The following GRIP2 variants were observed in gnomAD, a reference collection of about 807,000 sequenced individuals.
GRIP2 encodes the protein glutamate receptor interacting protein 2, also known as glutamate receptor-interacting protein 2.
Under a neutral mutation model 108.3 loss-of-function variants are expected in GRIP2, and 58 were observed. The ratio of observed to expected loss-of-function variants is 0.54; its 90% CI spans 0.43 to 0.67. GRIP2 has a LOEUF of 0.67. GRIP2 is among the 30% of genes least tolerant of loss of function. The pLI, the probability that GRIP2 is intolerant of heterozygous loss-of-function variation, is 0.00. For synonymous variants in GRIP2, 586 were observed against 598.2 expected, an observed-to-expected ratio of 0.98 and a Z score of 0.30; for missense variants, 1,278 against 1,430.6, an observed-to-expected ratio of 0.89 and a Z score of 1.72.
At chr3:14,496,026 T>C (rs1166244402) in intron 22 of GRIP2, among the ~76,000 whole-genome samples, 1 of 152,092 alleles carries the variant, frequency 6.6e-6, no homozygotes, top group Non-Finnish European at 1.5e-5. Flanking sequence ...ATGCCTGTGG[T>C]CCCAGCTTCT....
At chr3:14,560,303 C>T (rs1289869508), upstream of GRIP2, among the ~76,000 whole-genome samples, 1 of 152,152 alleles carries the variant, frequency 6.6e-6, no homozygotes, top group African/African-American at 2.4e-5. Context: ...TGTATGTATA[C>T]AGTATACAGT....
At chr3:14,559,039 G>A (rs1271723040), upstream of GRIP2, among the ~76,000 whole-genome samples, 2 of 152,158 alleles carry the variant, frequency 1.3e-5, no homozygotes, top group Non-Finnish European at 2.9e-5. Context: ...TCTCAGGAGT[G>A]TTTAATGGTG....
intron 2 of GRIP2, 36 bp downstream of exon 2, chr3:14,525,815 G>A (rs760640599): frequency 3.6e-5 from 55 of 1,545,272 alleles, no homozygotes; most frequent in Non-Finnish European, 4.7e-5. Context: ...TGTGCCTCCA[G>A]GGCAGAAAAA....
the GRIP2 span, among the ~76,000 whole-genome samples, chr3:14,562,914 G>A: frequency 1.0e-3 from 152 of 152,312 alleles, no homozygotes; most frequent in African/African-American, 3.5e-3. Flanking sequence ...TATCAGTGGG[G>A]AGAAAGTACA....
chr3:14,573,175 A>C, the GRIP2 span: 2 of 1,428,142 alleles, frequency 1.4e-6, no homozygotes, highest in Non-Finnish European at 9.9e-7. Context: ...AGCTTGAAGA[A>C]GGCATGCCAG....
At chr3:14,516,967 C>A in intron 11 of GRIP2, 97 bp downstream of exon 11, 1 of 1,249,662 alleles carries the variant, frequency 8.0e-7, no homozygotes, top group Non-Finnish European at 1.0e-6. Flanking sequence ...GGAGCTCTGC[C>A]CAAAATACCT....
At chr3:14,574,007 G>C in the GRIP2 span, 1 of 1,287,754 alleles carries the variant, frequency 7.8e-7, no homozygotes, top group Admixed American at 1.8e-5. Context: ...TGGCACCCAG[G>C]TGGATGAGGG....
the GRIP2 span, among the ~76,000 whole-genome samples, chr3:14,562,561 C>T: frequency 1.2e-4 from 19 of 152,260 alleles, no homozygotes; most frequent in South Asian, 3.9e-3. Flanking sequence ...TTCCTGTATA[C>T]GCAGTGTTTT....
chr3:14,493,649 G>A lies in GRIP2; in HGVS notation c.*16C>T, dbSNP rs964748574. 7.6e-6 allele frequency: 12 copies of A among 1,576,886 alleles called. No homozygotes were observed. The highest frequency in any genetic ancestry group is 3.5e-5 in the Admixed American group (2 of 56,610). On this transcript the variant is annotated 3_prime_UTR_variant, in exon 24 of 24. Coordinates refer to ENST00000621039, the MANE Select transcript of GRIP2 (RefSeq NM_001080423.4). ...TGCCTGGGTGGCCCCTTAGGAGTTC[G>A]GCCCACATGCTGACTTCAGAGCATC...
chr3:14,507,174 C>G lies in GRIP2; in HGVS notation c.2219-194G>C, dbSNP rs910335949. Among the ~76,000 whole-genome samples, 3 of 151,948 alleles carry G rather than the reference C, an allele frequency of 2.0e-5. No individual in the cohort carries two copies. Among genetic ancestry groups the G allele is most frequent in the African/African-American group, 7.3e-5 (3 of 41,334 alleles). ...GCTCGGGGAAGCTGAGCAGCATGCC[C>G]GAGATCACACAGTGAGCACCAGTGG... On this transcript the variant is annotated intron_variant, in intron 18 of 23. Coordinates refer to ENST00000621039, the MANE Select transcript of GRIP2 (RefSeq NM_001080423.4). This position sits in a 1 kb window ranked among gnomAD's most constrained non-coding sequence, Gnocchi z 4.6.
the GRIP2 span, among the ~76,000 whole-genome samples, chr3:14,579,424 A>T: frequency 9.8e-5 from 15 of 152,292 alleles, no homozygotes; most frequent in East Asian, 1.7e-3. Context: ...GTTATTTTTT[A>T]AAAATGTCCC....
At chr3:14,573,086 G>A in the GRIP2 span, 6,892 of 1,398,286 alleles carry the variant, frequency 4.9e-3, 279 homozygotes, top group African/African-American at 0.083. Flanking sequence ...AGAGGCCACT[G>A]ATGAACCCCG....
Position 14,493,816 on chromosome 3 carries a change from A to G in GRIP2, c.2981T>C (p.Val994Ala), listed in dbSNP as rs1405901224. 1 of 1,612,116 alleles carries G rather than the reference A, an allele frequency of 6.2e-7. No individual in the cohort carries two copies. Among genetic ancestry groups the G allele is most frequent in the African/African-American group, 1.3e-5 (1 of 74,922 alleles). Residue 994 changes from valine to alanine, a missense_variant, in exon 24 of 24, where the codon GTC (valine) becomes GCC (alanine). By Grantham distance (64) the Val-to-Ala change is moderately conservative (BLOSUM62 0). Coordinates refer to ENST00000621039, the MANE Select transcript of GRIP2 (RefSeq NM_001080423.4). Reference sequence around the variant, plus strand: ...GCAGCAGTCGAAGTCCCGTGTACGGACGTGGTTGACCTGCATGGGGCACAA... The same window carrying G: ...GCAGCAGTCGAAGTCCCGTGTACGGGCGTGGTTGACCTGCATGGGGCACAA... ...PFDRVLQVNH[V>A]RTRDFDCCLA...
the GRIP2 span, among the ~76,000 whole-genome samples, chr3:14,577,290 A>T: frequency 6.6e-6 from 1 of 152,236 alleles, no homozygotes; most frequent in Non-Finnish European, 1.5e-5. Flanking sequence ...TTAGGAAACC[A>T]ATGAGAAATA....
chr3:14,513,695 C>T lies in GRIP2; in HGVS notation c.1609G>A (p.Val537Ile). Residue 537 changes from valine to isoleucine, a missense_variant, in exon 13 of 24, where the codon GTC (valine) becomes ATC (isoleucine). By Grantham distance (29) the Val-to-Ile change is conservative. Coordinates refer to ENST00000621039, the MANE Select transcript of GRIP2 (RefSeq NM_001080423.4). ...ACATCGAACTCCACCTCCAGCACGA[C>T]CTTGTGGGCCAGTGCGGCGTCCCGC... is the stretch of plus-strand genomic sequence containing the variant. ...LLRDAALAHK[V>I]VLEVEFDVAE... The T allele has an allele frequency of 6.2e-7, 1 of 1,610,910 alleles. No individual in the cohort carries two copies. Among genetic ancestry groups the T allele is most frequent in the Non-Finnish European group, 8.5e-7 (1 of 1,178,752 alleles).
chr3:14,506,248 G>A (rs1693923806), intron 19 of GRIP2, among the ~76,000 whole-genome samples: 1 of 152,184 alleles, frequency 6.6e-6, no homozygotes, highest in South Asian at 2.1e-4. Context: ...AGTCCTCTGA[G>A]TTGGACCATG....
At chr3:14,523,250 T>G (rs1470473375) in intron 5 of GRIP2, 175 bp from the exon 6 acceptor site, 1 of 605,488 alleles carries the variant, frequency 1.7e-6, no homozygotes, top group Non-Finnish European at 3.0e-6. Context: ...CAAGAGATGG[T>G]GCAAGGGGTG....
chr3:14,574,150 A>C, the GRIP2 span: 1 of 927,458 alleles, frequency 1.1e-6, no homozygotes, highest in Non-Finnish European at 1.8e-6. Flanking sequence ...CCATAGATGC[A>C]CACGGCTAGA....
chr3:14,575,317 C>T, the GRIP2 span, among the ~76,000 whole-genome samples: 11 of 152,158 alleles, frequency 7.2e-5, no homozygotes, highest in East Asian at 1.9e-4. Context: ...TGAATATGCC[C>T]GCACCACCCC....
Sources: allele counts gnomAD v4.1 joint callset (sites outside exome capture counted in the v4.1 genomes callset), GRCh38; gene constraint gnomAD v4.1.1; non-coding constraint Gnocchi (gnomAD v3.1); transcripts MANE v1.5; gene names NCBI Gene and HGNC (gene_info 2026-07-23, HGNC 2026-07-21).